CYP3A43: variants seen among roughly 807,000 people sequenced by gnomAD.
The protein encoded by CYP3A43 is cytochrome P450 3A43.
In CYP3A43, 45 loss-of-function variants were observed where a neutral mutation model predicts 58.0. The observed-to-expected ratio is 0.78, with a 90% CI of 0.61 to 0.99. The LOEUF (loss-of-function observed/expected upper bound fraction) is 0.99. CYP3A43 is among the 50% of genes least tolerant of loss of function. The pLI, the probability that CYP3A43 is intolerant of heterozygous loss-of-function variation, is 0.00. For synonymous variants in CYP3A43, 191 were observed against 201.4 expected (o/e 0.95, Z 0.44); for missense variants, 593 against 591.9 (o/e 1.00, Z -0.02).
chr7:99,847,455 C>T (rs777188204), intron 4 of CYP3A43, 33 bp from the exon 5 acceptor site: 18 of 1,602,674 alleles, frequency 1.1e-5, no homozygotes, highest in South Asian at 6.7e-5. Context: ...CTAAAACTTA[C>T]GTAGGACAAA....
intron 4 of CYP3A43, 72 bp from the exon 5 acceptor site, chr7:99,847,416 T>G: frequency 4.0e-6 from 6 of 1,504,200 alleles, no homozygotes; most frequent in Non-Finnish European, 5.5e-6. Context: ...GATGCCTGTT[T>G]AACACATTTT....
At chr7:99,860,051 T>G (rs1287080979) in intron 10 of CYP3A43, 61 bp downstream of exon 10, 5 of 1,524,032 alleles carry the variant, frequency 3.3e-6, no homozygotes, top group Non-Finnish European at 4.4e-6. Context: ...GAATGCCTCC[T>G]CACCACTTGC....
intron 1 of CYP3A43, among the ~76,000 whole-genome samples, chr7:99,830,199 C>T (rs1279144213): frequency 6.6e-6 from 1 of 152,116 alleles, no homozygotes; most frequent in African/African-American, 2.4e-5. Flanking sequence ...GGTCTTGAGC[C>T]CCCTCCCTAT....
At chr7:99,839,655 A>G (rs1817252896) in intron 3 of CYP3A43, among the ~76,000 whole-genome samples, 2 of 152,172 alleles carry the variant, frequency 1.3e-5, no homozygotes, top group Admixed American at 1.3e-4. Flanking sequence ...AATAAGGTTA[A>G]GAGCAGAGGT....
intron 7 of CYP3A43, chr7:99,850,008 A>T (rs1290013805): frequency 9.3e-6 from 4 of 430,400 alleles, no homozygotes; most frequent in Non-Finnish European, 1.8e-5. Flanking sequence ...CCTAGGCCGG[A>T]GTGCATGGTG....
At chr7:99,837,078 G>A (rs1817114658) in intron 2 of CYP3A43, among the ~76,000 whole-genome samples, 1 of 151,278 alleles carries the variant, frequency 6.6e-6, no homozygotes, top group Non-Finnish European at 1.5e-5. Context: ...GGCCGAGACG[G>A]GCGGATCACG....
intron 1 of CYP3A43, among the ~76,000 whole-genome samples, chr7:99,835,589 C>T (rs1817040120): frequency 6.6e-6 from 1 of 152,216 alleles, no homozygotes; most frequent in Non-Finnish European, 1.5e-5. Context: ...AGGGTCATAA[C>T]ATACATATAG....
At chr7:99,851,162 TAA>T (rs34048683) in intron 7 of CYP3A43, among the ~76,000 whole-genome samples, 8 of 143,936 alleles carry the variant, frequency 5.6e-5, no homozygotes, top group Admixed American at 2.1e-4. Context: ...AGACCCCGTC[TAA>T]AAAAAAAAAA....
chr7:99,860,543 A>G (rs1287956324), intron 10 of CYP3A43, among the ~76,000 whole-genome samples: 2 of 152,208 alleles, frequency 1.3e-5, no homozygotes, highest in Admixed American at 1.3e-4. Context: ...CTAGCCACGT[A>G]TTACCCACAC....
intron 3 of CYP3A43, chr7:99,839,511 C>T (rs1032375385): frequency 8.0e-6 from 4 of 502,938 alleles, no homozygotes; most frequent in East Asian, 1.0e-4. Flanking sequence ...TGTAATTTCA[C>T]AACCCTGGGT....
chr7:99,836,108 G>T (rs998746629), intron 1 of CYP3A43, among the ~76,000 whole-genome samples: 3 of 152,188 alleles, frequency 2.0e-5, no homozygotes, highest in Admixed American at 1.3e-4. Flanking sequence ...ATCCCCATGT[G>T]TGCCAGTATA....
Position 99,866,061 on chromosome 7 carries a change from C to A in CYP3A43, c.*60C>A. ...CTGTATCCCAGAACACTAGACACTT[C>A]AAATTGTTTTGTGAATAAAACTCAG... On this transcript the variant is annotated 3_prime_UTR_variant, in exon 13 of 13. Coordinates refer to ENST00000354829, the MANE Select transcript of CYP3A43 (RefSeq NM_057095.3). 2 of 1,068,678 alleles carry A rather than the reference C, an allele frequency of 1.9e-6. No homozygotes were observed. The highest frequency in any genetic ancestry group is 2.7e-6 in the Non-Finnish European group (2 of 735,596). 66.2% of individuals were successfully genotyped at this position (1,068,678 alleles called of 1,614,324 possible).
Position 99,847,623 on chromosome 7 carries a change from T to C in CYP3A43, c.432+22T>C, listed in dbSNP as rs747234562. Reference sequence around the variant, plus strand: ...GGAAGTAAGAAAATAAGGTGATTTATAATTAGAAACTTAAAGGATGAATCT... The same window carrying C: ...GGAAGTAAGAAAATAAGGTGATTTACAATTAGAAACTTAAAGGATGAATCT... On this transcript the variant is annotated intron_variant, in intron 5 of 12. Transcript: ENST00000354829. 45 of 1,612,524 alleles carry C rather than the reference T, an allele frequency of 2.8e-5. No homozygotes were observed. In the East Asian group the frequency reaches 9.6e-4, roughly 34 times the overall value.
rs1172512269 is a variant in CYP3A43, at chr7:99,836,473, A to G, written c.92A>G (p.Lys31Arg). 5 of 1,611,194 alleles carry G rather than the reference A, an allele frequency of 3.1e-6. No individual in the cohort carries two copies. Among genetic ancestry groups the G allele is most frequent in the Non-Finnish European group, 3.4e-6 (4 of 1,179,406 alleles). ...TATAGTTATGGGACCCATTCACATA[A>G]ACTTTTTAAGAAGCTGGGAATTCCT... Reference protein sequence around the residue: ...LLYIYGTHSHKLFKKLGIPGP... With the variant: ...LLYIYGTHSHRLFKKLGIPGP... The change falls in exon 2 of 13, where the codon AAA becomes AGA. Residue 31 changes from lysine (K) to arginine (R), a missense_variant. Transcript: ENST00000354829.
intron 3 of CYP3A43, among the ~76,000 whole-genome samples, chr7:99,840,746 C>A (rs1260094352): frequency 6.6e-6 from 1 of 152,164 alleles, no homozygotes; most frequent in African/African-American, 2.4e-5. Context: ...TCCAGGTGTC[C>A]CCTCAAGCTT....
chr7:99,842,314 T>C (rs1205368006), intron 3 of CYP3A43, among the ~76,000 whole-genome samples: 1 of 152,192 alleles, frequency 6.6e-6, no homozygotes, highest in Non-Finnish European at 1.5e-5. Flanking sequence ...TTAGTTTGCA[T>C]TTTCCTGACT....
chr7:99,839,115 G>A lies in CYP3A43; in HGVS notation c.166-5G>A. 6.2e-7 allele frequency: 1 copy of A among 1,614,132 alleles called. No homozygotes were observed. The highest frequency in any genetic ancestry group is 8.5e-7 in the Non-Finnish European group (1 of 1,180,000). ...ACTTGAATTGTATTTTGTTTCTTCT[G>A]CCAGGGTCTTTGGAATTTTGACAGA... On this transcript the variant is annotated splice_polypyrimidine_tract_variant and splice_region_variant and intron_variant, in intron 2 of 12. Transcript: ENST00000354829.
At chr7:99,852,879 C>T (rs973630739) in intron 7 of CYP3A43, among the ~76,000 whole-genome samples, 3 of 152,182 alleles carry the variant, frequency 2.0e-5, no homozygotes, top group Non-Finnish European at 4.4e-5. Flanking sequence ...CATACTGAGA[C>T]GATTGTGTGT....
intron 1 of CYP3A43, among the ~76,000 whole-genome samples, chr7:99,831,149 C>A (rs990059763): frequency 3.9e-5 from 6 of 152,204 alleles, no homozygotes; most frequent in Non-Finnish European, 4.4e-5. Context: ...AAGAGGGAAC[C>A]AAGCTAACAG....
Sources: gnomAD v4.1 joint callset for allele counts (sites outside exome capture counted in the v4.1 genomes callset) on GRCh38, gnomAD v4.1.1 for gene constraint, MANE v1.5 for transcripts, NCBI Gene and HGNC (gene_info 2026-07-23, HGNC 2026-07-21) for gene names.